Variants in DMPK observed in about 807,000 individuals in gnomAD.
The protein encoded by DMPK is myotonin-protein kinase.
In DMPK, 32 loss-of-function variants were observed where a neutral mutation model predicts 70.3. That is an observed-to-expected ratio of 0.46 (90% CI 0.34 to 0.61). DMPK has a LOEUF of 0.61. Among genes scored for constraint, DMPK ranks in the 20% least tolerant of loss-of-function variants. DMPK has a pLI of 0.01. For missense variants in DMPK, 899 were observed against 886.0 expected (o/e 1.01, Z -0.19); for synonymous variants, 469 against 390.9 (o/e 1.20, Z -2.36).
intron 4 of DMPK, chr19:45,778,994 T>C: frequency 1.7e-6 from 1 of 584,560 alleles, no homozygotes; most frequent in Non-Finnish European, 3.1e-6. Context: ...TGAAGACCTA[T>C]CCCATTCCAG....
At chr19:45,778,828 C>CA (rs574451407) in intron 4 of DMPK, 187 bp from the exon 5 acceptor site, 1,744 of 565,638 alleles carry the variant, frequency 3.1e-3, no homozygotes, top group Middle Eastern at 5.7e-3. Flanking sequence ...CCCCGCCCCT[C>CA]AAAAAAAAAC....
At position 45,775,005 on chromosome 19, in the gene DMPK, C is replaced by G; in HGVS notation, c.1176G>C (p.Ala392=). ...GETLSDIREG[A]PLGVHLPFVG... ...CAAAAGGCAGGTGGACCCCTAGCGG[C>G]GCACCTTCCCGAATGTCCGACAGTG... Residue 392 remains alanine (A), a synonymous_variant, in exon 9 of 15, where the codon GCG becomes GCC. Transcript: ENST00000291270. 6.2e-7 allele frequency: 1 copy of G among 1,613,880 alleles called. No homozygotes were observed.
intron 2 of DMPK, 112 bp from the exon 3 acceptor site, chr19:45,779,634 A>G: frequency 6.4e-7 from 1 of 1,558,556 alleles, no homozygotes; most frequent in Non-Finnish European, 8.7e-7. Flanking sequence ...CACCTGCCAC[A>G]CCACGCCCAT....
chr19:45,771,368 G>A lies in DMPK; in HGVS notation c.1629C>T (p.Ala543=). 6.2e-7 allele frequency: 1 copy of A among 1,602,216 alleles called. No individual in the cohort carries two copies. Among genetic ancestry groups the A allele is most frequent in the Non-Finnish European group, 8.5e-7 (1 of 1,176,246 alleles). ...GTCTTACATGGGAAGGTGGATCCGT[G>A]GCCCGGGGACTGGGGACCCCCGTGA... The part of the protein sequence containing the change: ...TAVTGVPSPR[A]TDPPSHLDGP... The change falls in exon 13 of 15, where the codon GCC becomes GCT. Residue 543 remains alanine, a synonymous_variant. Coordinates refer to ENST00000291270, the MANE Select transcript of DMPK (RefSeq NM_004409.5).
chr19:45,781,668 CGT>C (rs1970127686), intron 1 of DMPK, among the ~76,000 whole-genome samples: 1 of 152,182 alleles, frequency 6.6e-6, no homozygotes, highest in Non-Finnish European at 1.5e-5. Context: ...ACAGGGCCCG[CGT>C]GAGTCACCGC....
chr19:45,781,664 CCCGCGTGAGTCACCGCCCTCCCAGT>C (rs1331380883), intron 1 of DMPK, among the ~76,000 whole-genome samples: 9 of 152,232 alleles, frequency 5.9e-5, no homozygotes, highest in African/African-American at 2.2e-4. Context: ...TCCCACAGGG[CCCGCGTGAGTCACCGCCCTCCCAGT>C]GCCTGGGCAC....
intron 1 of DMPK, 89 bp downstream of exon 1, chr19:45,782,104 G>T: frequency 7.5e-5 from 54 of 722,470 alleles, no homozygotes; most frequent in South Asian, 2.8e-4. Context: ...CTGCCATCCT[G>T]CCCCCCCAAC....
Position 45,775,418 on chromosome 19 carries a change from C to T in DMPK, c.1147-384G>A, listed in dbSNP as rs540247396. The T allele has an allele frequency of 7.1e-4, 100 of 140,478 alleles. 25 individuals carry two copies. The South Asian group carries it at 0.016, about 22-fold the overall frequency. 8.7% of individuals were successfully genotyped at this position (140,478 alleles called of 1,614,324 possible). ...TTCTGACCTCAAGTGATCCGCCTAC[C>T]TCAGCTGTTGTAGTCCCAAACTCTG... On this transcript the variant is annotated intron_variant, in intron 8 of 14. Transcript: ENST00000291270.
intron 5 of DMPK, 57 bp downstream of exon 5, chr19:45,778,436 T>C: frequency 1.3e-6 from 2 of 1,592,422 alleles, no homozygotes; most frequent in South Asian, 1.1e-5. Flanking sequence ...GGCTCTGACC[T>C]TCCAAGAACC....
intron 8 of DMPK, 154 bp from the exon 9 acceptor site, chr19:45,775,188 T>TA: frequency 1.6e-6 from 1 of 612,912 alleles, no homozygotes; most frequent in Non-Finnish European, 2.9e-6. Context: ...TTTTCTTTGA[T>TA]ACGGAGTCTC....
Position 45,779,859 on chromosome 19 carries a change from G to A in DMPK, c.171C>T (p.Ile57=), listed in dbSNP as rs1311706791. 6.2e-7 allele frequency: 1 copy of A among 1,612,790 alleles called. No individual in the cohort carries two copies. The highest frequency in any genetic ancestry group is 2.2e-5 in the East Asian group (1 of 44,874). ...VADFLQWAEP[I]VVRLKEVRLQ... The stretch of plus-strand genomic sequence containing the variant: ...GTCGGACCTCCTTAAGCCTCACCAC[G>A]ATGGGCTCCGCTGGGGGGGTGGTGG... The change falls in exon 2 of 15, where the codon ATC becomes ATT. Residue 57 remains isoleucine, a synonymous_variant. Coordinates refer to ENST00000291270, the MANE Select transcript of DMPK (RefSeq NM_004409.5).
chr19:45,773,265 G>C (rs1393960025), intron 9 of DMPK, among the ~76,000 whole-genome samples: 1 of 152,218 alleles, frequency 6.6e-6, no homozygotes, highest in East Asian at 1.9e-4. Context: ...CAACCCAGCA[G>C]TCCCTCCTGT....
Position 45,777,477 on chromosome 19 carries a change from G to A in DMPK, c.996C>T (p.Asp332=). The change falls in exon 8 of 15, where the codon GAC becomes GAT. Residue 332 remains aspartate, a synonymous_variant. Transcript: ENST00000291270. This position sits in a 1 kb window ranked among gnomAD's most constrained non-coding sequence, Gnocchi z 6.7. ...CAAAGAAGAAGGGATGTGTCCGGAA[G>A]TCGCCTGCTCCACCCCGGCCCAGCC... is the stretch of plus-strand genomic sequence containing the variant. The part of the protein sequence containing the change: ...ETRLGRGGAG[D]FRTHPFFFGL... 1 of 1,613,472 alleles carries A rather than the reference G, an allele frequency of 6.2e-7. No homozygotes were observed.
intron 10 of DMPK, chr19:45,772,408 C>T: frequency 2.3e-6 from 1 of 428,778 alleles, no homozygotes; most frequent in Non-Finnish European, 4.1e-6. Context: ...TTCACCAGCG[C>T]TCAGCTCAAA....
chr19:45,770,647 G>T lies in DMPK; in HGVS notation c.1738-7C>A. 6.4e-7 allele frequency: 1 copy of T among 1,550,636 alleles called. No homozygotes were observed. Among genetic ancestry groups the T allele is most frequent in the South Asian group, 1.2e-5 (1 of 84,034 alleles). Reference sequence around the variant, plus strand: ...ATAGGCCAGGCCTAGGGACCTGCGGGGAGAGGGCGAGGTCAACACCCGGCA... The same window carrying T: ...ATAGGCCAGGCCTAGGGACCTGCGGTGAGAGGGCGAGGTCAACACCCGGCA... On this transcript the variant is annotated splice_polypyrimidine_tract_variant and splice_region_variant and intron_variant, in intron 14 of 14. Transcript: ENST00000291270.
At chr19:45,770,677 CCT>C in intron 14 of DMPK, 37 bp from the exon 15 acceptor site, 2 of 1,544,454 alleles carry the variant, frequency 1.3e-6, no homozygotes, top group South Asian at 1.2e-5. Flanking sequence ...CCGGCATGGG[CCT>C]CTGATTGGCT....
chr19:45,780,113 C>A (rs1429986958), intron 1 of DMPK: 2 of 1,462,536 alleles, frequency 1.4e-6, no homozygotes, highest in Non-Finnish European at 1.8e-6. Flanking sequence ...GCCCAGAGGG[C>A]TCCAAGGGTG....
In DMPK at chr19:45,769,991, T is replaced by C. The variant is rs767581710; in HGVS notation, c.*497A>G. 6.5e-6 allele frequency: 2 copies of C among 307,864 alleles called. No homozygotes were observed. Among genetic ancestry groups the C allele is most frequent in the Non-Finnish European group, 1.2e-5 (2 of 161,478 alleles). The allele number at this position is 307,864 out of a possible 1,614,324, so 19.1% of individuals were successfully genotyped here. A position where few individuals can be genotyped will look rare whatever the true frequency, so the allele number is the denominator to read the frequency against. On this transcript the variant is annotated 3_prime_UTR_variant, in exon 15 of 15. Transcript: ENST00000291270. ...AAAAGCGGGTTTGGCAAAAGCAAAT[T>C]TCCCGAGTAAGCAGGCAGAGATCGC...
At chr19:45,771,985 G>A (rs542695091) in intron 10 of DMPK, 57 bp from the exon 11 acceptor site, 566 of 1,491,858 alleles carry the variant, frequency 3.8e-4, no homozygotes, top group Non-Finnish European at 4.8e-4. Flanking sequence ...CTCAGGACTT[G>A]GGCACTGGTT....
Sources: allele counts gnomAD v4.1 joint callset (sites outside exome capture counted in the v4.1 genomes callset), GRCh38; gene constraint gnomAD v4.1.1; non-coding constraint Gnocchi (gnomAD v3.1); transcripts MANE v1.5; gene names NCBI Gene and HGNC (gene_info 2026-07-23, HGNC 2026-07-21).